The following SOD2 variants were observed in gnomAD, a reference collection of about 807,000 sequenced individuals.
SOD2 encodes superoxide dismutase 2.
Under a neutral mutation model 27.0 loss-of-function variants are expected in SOD2, and 11 were observed. The ratio of observed to expected loss-of-function variants is 0.41; its 90% CI spans 0.26 to 0.67. The LOEUF is 0.67. Ranked by LOEUF, SOD2 falls within the 30% of genes least tolerant of loss-of-function variation. The pLI is 0.34. For missense variants in SOD2, 250 were observed against 274.5 expected, an observed-to-expected ratio of 0.91 and a Z score of 0.63; for synonymous variants, 105 against 103.0, an observed-to-expected ratio of 1.02 and a Z score of -0.12.
At chr6:159,761,574 C>A (rs1281663603) in exon 1 of SOD2, 1 of 456,272 alleles carries the variant, frequency 2.2e-6, no homozygotes, top group South Asian at 1.6e-5. Flanking sequence ...CAGAGCTGTG[C>A]TGAGACCCGC....
rs1360227352 is a variant in SOD2 at position 159,675,605 on chromosome 6, G to T, written c.*6888C>A. On this transcript the variant is annotated 3_prime_UTR_variant, in exon 5 of 5. Transcript: ENST00000538183. ...CTTATACAAAAATTAATTCAAGATG[G>T]ATTAAAGACTTAAATGTTAGACCTA... is the stretch of plus-strand genomic sequence containing the variant. 2 of 152,148 alleles carry T rather than the reference G, an allele frequency of 1.3e-5. No homozygotes were observed. Among genetic ancestry groups the T allele is most frequent in the African/African-American group, 4.8e-5 (2 of 41,412 alleles). 9.4% of individuals were successfully genotyped at this position (152,148 alleles called of 1,614,324 possible). A position where few individuals can be genotyped will look rare whatever the true frequency, so the allele number is the denominator to read the frequency against.
exon 1 of SOD2, chr6:159,762,275 G>A (rs774251171): frequency 1.7e-5 from 22 of 1,305,012 alleles, no homozygotes; most frequent in Admixed American, 2.7e-5. Flanking sequence ...GGAGCCGCGG[G>A]ATCCCTGGAA....
chr6:159,710,652 G>C (rs895935823), intron 1 of SOD2, among the ~76,000 whole-genome samples: 2 of 152,080 alleles, frequency 1.3e-5, no homozygotes. Flanking sequence ...AGTCACTGGA[G>C]TTTTCCTCCA....
At chr6:159,723,092 T>G (rs1396516126) in intron 1 of SOD2, among the ~76,000 whole-genome samples, 2 of 152,186 alleles carry the variant, frequency 1.3e-5, no homozygotes, top group Non-Finnish European at 2.9e-5. Context: ...CTGTAAAGCT[T>G]TCCCACTCCT....
At chr6:159,724,924 A>C (rs1367846970) in intron 1 of SOD2, among the ~76,000 whole-genome samples, 1 of 149,276 alleles carries the variant, frequency 6.7e-6, no homozygotes, top group Admixed American at 6.7e-5. Context: ...GGGAGGGAAG[A>C]AGGGAGGGAA....
chr6:159,745,385 C>A (rs993973294), upstream of SOD2, among the ~76,000 whole-genome samples: 1 of 152,044 alleles, frequency 6.6e-6, no homozygotes, highest in African/African-American at 2.4e-5. Context: ...CTTGTCTCCT[C>A]GACCTGGATT....
At chr6:159,762,165 G>A in exon 1 of SOD2, 1 of 1,605,038 alleles carries the variant, frequency 6.2e-7, no homozygotes, top group Non-Finnish European at 8.5e-7. Context: ...CGGGAGCCGC[G>A]CAGAGTCCGA....
At chr6:159,694,271 T>G (rs1231584241), upstream of SOD2, among the ~76,000 whole-genome samples, 1 of 152,202 alleles carries the variant, frequency 6.6e-6, no homozygotes, top group African/African-American at 2.4e-5. Flanking sequence ...GGTGTGAATC[T>G]TCCATGTGTA....
At chr6:159,761,024 C>G (rs1780113156) in intron 1 of SOD2, 1 of 153,134 alleles carries the variant, frequency 6.5e-6, no homozygotes, top group African/African-American at 2.4e-5. Flanking sequence ...CCTCTGGGGC[C>G]TACACTCTTT....
At chr6:159,685,155 G>C in intron 3 of SOD2, 122 bp from the exon 4 acceptor site, 3 of 342,818 alleles carry the variant, frequency 8.8e-6, no homozygotes, top group East Asian at 6.3e-5. Context: ...GACAACATCA[G>C]AATGCGACAC....
intron 2 of SOD2, chr6:159,690,786 G>C (rs974072186): frequency 6.6e-6 from 1 of 152,114 alleles, no homozygotes. Context: ...ACATCTTACA[G>C]TTTGCTTACT....
At chr6:159,755,749 GTTTT>G in intron 1 of SOD2, 1 of 317,906 alleles carries the variant, frequency 3.1e-6, no homozygotes, top group Non-Finnish European at 4.0e-6. Context: ...TTTTTTCTTT[GTTTT>G]TTTTTTCTTT....
intron 1 of SOD2, among the ~76,000 whole-genome samples, chr6:159,740,707 T>TC (rs1162901846): frequency 6.6e-6 from 1 of 150,932 alleles, no homozygotes; most frequent in Non-Finnish European, 1.5e-5. Context: ...CTTTTTTCTT[T>TC]CTTTTTTTTT....
intron 1 of SOD2, chr6:159,713,914 A>T: frequency 1.1e-6 from 1 of 914,134 alleles, no homozygotes; most frequent in South Asian, 1.5e-5. Context: ...GCATCACTTC[A>T]TCAGCTGAGC....
At chr6:159,712,685 A>G (rs1281337231) in intron 1 of SOD2, 1 of 347,098 alleles carries the variant, frequency 2.9e-6, no homozygotes, top group Non-Finnish European at 5.7e-6. Flanking sequence ...CTCCATAACC[A>G]CGACTCAGCT....
Position 159,713,497 on chromosome 6 carries a change from G to A in SOD2, c.-116+13632C>T, listed in dbSNP as rs147364043. Reference sequence around the variant, plus strand: ...TCTTTCCCTGTGTTTCTTCAATGCCGTCTCAGCTATCTCCTGCGAAGCCAA... The same window carrying A: ...TCTTTCCCTGTGTTTCTTCAATGCCATCTCAGCTATCTCCTGCGAAGCCAA... On this transcript the variant is annotated intron_variant, in intron 1 of 2. Transcript: ENST00000401980. The A allele has an allele frequency of 2.0e-3, 1,363 of 666,440 alleles. 3 individuals carry two copies. Among genetic ancestry groups the A allele is most frequent in the Middle Eastern group, 4.9e-3 (19 of 3,850 alleles). The allele number at this position is 666,440 out of a possible 1,614,324, so 41.3% of individuals were successfully genotyped here.
intron 1 of SOD2, among the ~76,000 whole-genome samples, chr6:159,739,339 T>C (rs985125594): frequency 2.0e-5 from 3 of 152,230 alleles, no homozygotes; most frequent in Non-Finnish European, 4.4e-5. Flanking sequence ...AAGATGCACT[T>C]ATATTTATGG....
intron 1 of SOD2, among the ~76,000 whole-genome samples, chr6:159,718,258 A>G (rs1192862018): frequency 6.6e-6 from 1 of 152,090 alleles, no homozygotes; most frequent in African/African-American, 2.4e-5. Context: ...CCAGCCTCCT[A>G]AAGTGCTGGG....
rs1193214561 is a variant in SOD2, at chr6:159,682,703, AT to A, written c.524-66del. ...CAGTCTAAAACATTGCATCTTCTCA[AT>A]TTCAACTTTTATTATTCTACTCACA... On this transcript the variant is annotated intron_variant, in intron 4 of 4. Coordinates refer to ENST00000538183, the MANE Select transcript of SOD2 (RefSeq NM_000636.4). 4.7e-6 allele frequency: 7 copies of A among 1,481,524 alleles called. No homozygotes were observed. The East Asian group carries it at 1.7e-4, about 36-fold the overall frequency. The allele number at this position is 1,481,524 out of a possible 1,614,324, so 91.8% of individuals were successfully genotyped here.
Sources: gnomAD v4.1 joint callset for allele counts (sites outside exome capture counted in the v4.1 genomes callset) on GRCh38, gnomAD v4.1.1 for gene constraint, MANE v1.5 for transcripts, NCBI Gene and HGNC (gene_info 2026-07-23, HGNC 2026-07-21) for gene names.